The following GPLD1 variants were observed in gnomAD, a reference collection of about 807,000 sequenced individuals.
GPLD1 encodes the protein phosphatidylinositol-glycan-specific phospholipase D.
In GPLD1, 84 loss-of-function variants were observed where a neutral mutation model predicts 112.6. That is an observed-to-expected ratio of 0.75 (90% CI 0.63 to 0.89). The LOEUF (loss-of-function observed/expected upper bound fraction) is 0.89. GPLD1 is among the 40% of genes least tolerant of loss of function. The pLI, the probability that GPLD1 is intolerant of heterozygous loss-of-function variation, is 0.00. For synonymous variants in GPLD1, 386 were observed against 403.8 expected, an observed-to-expected ratio of 0.96 and a Z score of 0.53; for missense variants, 1,044 against 1,051.5, an observed-to-expected ratio of 0.99 and a Z score of 0.10.
intron 7 of GPLD1, among the ~76,000 whole-genome samples, chr6:24,470,329 G>C (rs1763758786): frequency 6.6e-6 from 1 of 152,102 alleles, no homozygotes; most frequent in Non-Finnish European, 1.5e-5. Flanking sequence ...GAGATAAAGA[G>C]GGATTTTGCC....
At chr6:24,467,928 T>C (rs2744555) in intron 7 of GPLD1, among the ~76,000 whole-genome samples, 135,262 of 151,566 alleles carry the variant, frequency 0.89, 61,034 homozygotes, top group African/African-American at 0.95. Context: ...TTTTTGGAGA[T>C]GGAGCTTCGC....
chr6:24,436,615 GC>G lies in GPLD1; in HGVS notation c.2318del (p.Gly773AlafsTer7), dbSNP rs1762584879. On this transcript the variant is annotated frameshift_variant, in exon 22 of 25. Transcript: ENST00000230036. LOFTEE classifies it high-confidence loss of function. ...ATGGAGTTATCCATGATTTGCATTT[GC>G]CAGTCATGTCACCAAGGGTGGTCTC... is the stretch of plus-strand genomic sequence containing the variant. ...GKETTLGDMT[G>X]KCKSWITPCP... 1 of 1,613,804 alleles carries G rather than the reference GC, an allele frequency of 6.2e-7. No individual in the cohort carries two copies. Among genetic ancestry groups the G allele is most frequent in the Non-Finnish European group, 8.5e-7 (1 of 1,179,880 alleles).
chr6:24,431,812 G>A (rs1018240155), intron 24 of GPLD1, among the ~76,000 whole-genome samples: 1 of 151,984 alleles, frequency 6.6e-6, no homozygotes, highest in Non-Finnish European at 1.5e-5. Flanking sequence ...TGGGATTACA[G>A]GTGTGACCCA....
chr6:24,445,486 C>T (rs1762880520), intron 20 of GPLD1, 60 bp downstream of exon 20: 11 of 1,066,444 alleles, frequency 1.0e-5, no homozygotes, highest in Non-Finnish European at 1.6e-5. Flanking sequence ...TCCTCCAATA[C>T]GACATGTACA....
chr6:24,489,496 A>C lies in GPLD1; in HGVS notation c.16T>G (p.Leu6Val). The C allele has an allele frequency of 6.2e-7, 1 of 1,613,982 alleles. No individual in the cohort carries two copies. Among genetic ancestry groups the C allele is most frequent in the Non-Finnish European group, 8.5e-7 (1 of 1,179,898 alleles). MSAFR[L>V]WPGLLIMLGS... is the part of the protein sequence containing the mutation. ...AACATGATCAGCAGGCCAGGCCACA[A>C]CCTGAAAGCAGACATGATCTCATTG... Residue 6 changes from leucine (L) to valine (V), a missense_variant, in exon 1 of 25, where the codon TTG becomes GTG. Transcript: ENST00000230036.
intron 2 of GPLD1, among the ~76,000 whole-genome samples, chr6:24,484,571 C>G (rs1190439775): frequency 1.3e-5 from 2 of 152,178 alleles, no homozygotes; most frequent in Admixed American, 1.3e-4. Flanking sequence ...AAGGGAGCGT[C>G]TGTGTCCATT....
At chr6:24,434,118 C>A (rs1193606114) in intron 22 of GPLD1, among the ~76,000 whole-genome samples, 1 of 152,004 alleles carries the variant, frequency 6.6e-6, no homozygotes, top group Non-Finnish European at 1.5e-5. Context: ...CAAGTTACGG[C>A]CAGGCACAGT....
chr6:24,483,909 GTTTTGTTTTGTT>G (rs549889540), intron 2 of GPLD1, among the ~76,000 whole-genome samples: 1 of 102,556 alleles, frequency 9.8e-6, no homozygotes, highest in Admixed American at 9.3e-5. Flanking sequence ...ACTTTGTTTT[GTTTTGTTTTGTT>G]TTGTTTTGAG....
rs1367606544 is a variant in GPLD1 at position 24,426,246 on chromosome 6, C to T, written c.*2786G>A. 1 of 152,166 alleles carries T rather than the reference C, an allele frequency of 6.6e-6. No homozygotes were observed. Among genetic ancestry groups the T allele is most frequent in the African/African-American group, 2.4e-5 (1 of 41,428 alleles). The allele number at this position is 152,166 out of a possible 1,614,324, so 9.4% of individuals were successfully genotyped here. On this transcript the variant is annotated 3_prime_UTR_variant, in exon 25 of 25. Coordinates refer to ENST00000230036, the MANE Select transcript of GPLD1 (RefSeq NM_001503.4). ...AAATTACAACCCTACAAGGTAAGGT[C>T]TTTACATTTTAGTTATTAAGCAGAA...
upstream of GPLD1, chr6:24,489,600 C>G: frequency 6.3e-7 from 1 of 1,582,084 alleles, no homozygotes; most frequent in Non-Finnish European, 8.6e-7. Flanking sequence ...TGCAGACCCA[C>G]CGCTTCTCTC....
chr6:24,485,830 C>T (rs1019209491), intron 2 of GPLD1, among the ~76,000 whole-genome samples: 16 of 152,124 alleles, frequency 1.1e-4, no homozygotes, highest in African/African-American at 3.9e-4. Flanking sequence ...CCACCACGCC[C>T]GGCTAATTTT....
intron 2 of GPLD1, among the ~76,000 whole-genome samples, chr6:24,482,411 G>C (rs951838995): frequency 6.6e-6 from 1 of 151,888 alleles, no homozygotes. Context: ...CTCCTGAGTA[G>C]CTGGGATTAC....
intron 13 of GPLD1, among the ~76,000 whole-genome samples, chr6:24,455,387 G>C (rs1763233867): frequency 6.6e-6 from 1 of 152,212 alleles, no homozygotes; most frequent in Non-Finnish European, 1.5e-5. Context: ...GCCCTGAAAG[G>C]AAGGACTGTC....
rs186882166 is a variant in GPLD1, at chr6:24,482,034, T to C, written c.154-2075A>G. ...AAAAATTATGCCAAAGAGCAAACTG[T>C]TGAGGAAAAAAGAAGAGTACTAACG... is the stretch of plus-strand genomic sequence containing the variant. On this transcript the variant is annotated intron_variant, in intron 2 of 24. Coordinates refer to ENST00000230036, the MANE Select transcript of GPLD1 (RefSeq NM_001503.4). 2.6e-5 allele frequency among the ~76,000 whole-genome samples: 4 copies of C among 151,950 alleles called. No homozygotes were observed. In the East Asian group the frequency reaches 5.8e-4, roughly 22 times the overall value.
At chr6:24,469,849 T>C (rs1763739403) in intron 7 of GPLD1, among the ~76,000 whole-genome samples, 1 of 152,170 alleles carries the variant, frequency 6.6e-6, no homozygotes, top group Non-Finnish European at 1.5e-5. Flanking sequence ...GTAGGTTTCT[T>C]TTAGTAGGTA....
chr6:24,426,344 CTG>C lies in GPLD1; in HGVS notation c.*2686_*2687del, dbSNP rs1384952286. 6.6e-6 allele frequency: 1 copy of C among 152,144 alleles called. No homozygotes were observed. Among genetic ancestry groups the C allele is most frequent in the Non-Finnish European group, 1.5e-5 (1 of 68,036 alleles). 9.4% of individuals were successfully genotyped at this position (152,144 alleles called of 1,614,324 possible). A position where few individuals can be genotyped will look rare whatever the true frequency, so the allele number is the denominator to read the frequency against. On this transcript the variant is annotated 3_prime_UTR_variant, in exon 25 of 25. Coordinates refer to ENST00000230036, the MANE Select transcript of GPLD1 (RefSeq NM_001503.4). The stretch of plus-strand genomic sequence containing the variant: ...CCATGTATCAGGATAATATATTAGA[CTG>C]TCATGCATTAATTTTTTCCTGTATG...
chr6:24,436,928 C>T (rs1323024555), intron 21 of GPLD1, among the ~76,000 whole-genome samples, 185 bp downstream of exon 21: 1 of 152,196 alleles, frequency 6.6e-6, no homozygotes, highest in South Asian at 2.1e-4. Context: ...ACAGGTGATT[C>T]TCATATTACC....
chr6:24,452,566 A>G (rs1763125356), intron 14 of GPLD1, among the ~76,000 whole-genome samples: 1 of 152,162 alleles, frequency 6.6e-6, no homozygotes, highest in Non-Finnish European at 1.5e-5. Flanking sequence ...ACCTGAGGTC[A>G]AGAGTTCAAG....
At chr6:24,494,808 G>T in intron 1 of GPLD1, 1 of 598,180 alleles carries the variant, frequency 1.7e-6, no homozygotes, top group Non-Finnish European at 2.4e-6. Flanking sequence ...GCAGAGGGCG[G>T]CGCGGCGGTG....
Sources: allele counts gnomAD v4.1 joint callset (sites outside exome capture counted in the v4.1 genomes callset), GRCh38; gene constraint gnomAD v4.1.1; transcripts MANE v1.5; gene names NCBI Gene and HGNC (gene_info 2026-07-23, HGNC 2026-07-21).